The following TMEM72 variants were observed in gnomAD, a reference collection of about 807,000 sequenced individuals.
The protein encoded by TMEM72 is transmembrane protein 72.
Under a neutral mutation model 16.3 loss-of-function variants are expected in TMEM72, and 9 were observed. The observed-to-expected ratio is 0.55, with a 90% CI of 0.33 to 0.96. The LOEUF (loss-of-function observed/expected upper bound fraction) is 0.96. Among genes scored for constraint, TMEM72 ranks in the 40% least tolerant of loss-of-function variants. The pLI is 0.03. For missense variants in TMEM72, 324 were observed against 337.8 expected (o/e 0.96, Z 0.32); for synonymous variants, 160 against 146.5 (o/e 1.09, Z -0.66).
intron 1 of TMEM72, among the ~76,000 whole-genome samples, chr10:44,925,669 C>T: frequency 6.6e-6 from 1 of 152,206 alleles, no homozygotes; most frequent in East Asian, 1.9e-4. Flanking sequence ...AAGACTGAAA[C>T]TCAGGATCTG....
intron 2 of TMEM72, among the ~76,000 whole-genome samples, chr10:44,928,356 A>G (rs1165568912): frequency 6.6e-6 from 1 of 151,680 alleles, no homozygotes; most frequent in Non-Finnish European, 1.5e-5. Context: ...CCATCCAGCT[A>G]CCTATCCATC....
chr10:44,916,006 G>T (rs1393427667), intron 1 of TMEM72, among the ~76,000 whole-genome samples: 1 of 152,146 alleles, frequency 6.6e-6, no homozygotes, highest in East Asian at 1.9e-4. Context: ...TGCCTGAGAC[G>T]CTAGAGTGCT....
intron 2 of TMEM72, among the ~76,000 whole-genome samples, chr10:44,929,157 CCAGA>C (rs61049015): frequency 0.024 from 3,686 of 152,142 alleles, 147 homozygotes; most frequent in African/African-American, 0.084. Context: ...CTTTTTTTCC[CCAGA>C]CAATGTCTTT....
intron 1 of TMEM72, among the ~76,000 whole-genome samples, chr10:44,916,376 T>C (rs1484939572): frequency 2.6e-5 from 4 of 152,200 alleles, no homozygotes; most frequent in African/African-American, 7.2e-5. Flanking sequence ...GCTCCCATGC[T>C]TCCCACACAG....
intron 1 of TMEM72, among the ~76,000 whole-genome samples, chr10:44,921,618 T>C (rs939427583): frequency 1.3e-5 from 2 of 152,200 alleles, no homozygotes; most frequent in African/African-American, 4.8e-5. Context: ...GGTAATGCCC[T>C]GGGGGTATCT....
intron 1 of TMEM72, among the ~76,000 whole-genome samples, chr10:44,917,457 C>T (rs1840029939): frequency 6.6e-6 from 1 of 152,122 alleles, no homozygotes; most frequent in African/African-American, 2.4e-5. Flanking sequence ...TACTGGGAAA[C>T]ATTTCCCATC....
At chr10:44,930,633 A>C (rs1286992853) in intron 2 of TMEM72, among the ~76,000 whole-genome samples, 1 of 152,218 alleles carries the variant, frequency 6.6e-6, no homozygotes, top group African/African-American at 2.4e-5. Flanking sequence ...TTTTAAAACC[A>C]AGGGGTAAGA....
chr10:44,925,407 T>C (rs1055173933), intron 1 of TMEM72, among the ~76,000 whole-genome samples: 5 of 152,236 alleles, frequency 3.3e-5, no homozygotes, highest in Non-Finnish European at 7.4e-5. Context: ...TTGGCCAACA[T>C]GACGTGTCAC....
At chr10:44,924,194 C>A (rs1840147908) in intron 1 of TMEM72, among the ~76,000 whole-genome samples, 1 of 152,240 alleles carries the variant, frequency 6.6e-6, no homozygotes, top group African/African-American at 2.4e-5. Flanking sequence ...CCCGACTGTG[C>A]CCCTGCTTCT....
chr10:44,920,613 A>C (rs1840080728), intron 1 of TMEM72, among the ~76,000 whole-genome samples: 1 of 152,220 alleles, frequency 6.6e-6, no homozygotes, highest in Non-Finnish European at 1.5e-5. Context: ...CCACAAAAAA[A>C]CCCACAAGTG....
chr10:44,915,767 C>T (rs910662209), intron 1 of TMEM72, among the ~76,000 whole-genome samples: 6 of 152,078 alleles, frequency 3.9e-5, no homozygotes, highest in African/African-American at 1.2e-4. Context: ...CTCAAGACAC[C>T]GATATTCATT....
At chr10:44,933,490 C>A in intron 3 of TMEM72, 147 bp from the exon 4 acceptor site, 2 of 1,100,716 alleles carry the variant, frequency 1.8e-6, no homozygotes, top group East Asian at 2.6e-5. Flanking sequence ...TTGTGGAACC[C>A]ACACCAAGGA....
chr10:44,924,358 G>T (rs905453656), intron 1 of TMEM72, among the ~76,000 whole-genome samples: 4 of 152,188 alleles, frequency 2.6e-5, no homozygotes, highest in Non-Finnish European at 5.9e-5. Context: ...GAGCTCCTGG[G>T]TGAGTCCCTC....
chr10:44,927,865 G>C (rs769100791), intron 1 of TMEM72, 56 bp from the exon 2 acceptor site: 59 of 1,549,946 alleles, frequency 3.8e-5, no homozygotes, highest in Non-Finnish European at 5.2e-5. Flanking sequence ...CCTCAACAGG[G>C]CAGTGCTGTG....
intron 2 of TMEM72, among the ~76,000 whole-genome samples, chr10:44,929,663 C>T (rs1162443295): frequency 6.6e-6 from 1 of 152,274 alleles, no homozygotes; most frequent in Non-Finnish European, 1.5e-5. Context: ...CCTTCAAGAG[C>T]TTCCACCACC....
At chr10:44,920,178 A>C (rs1840073847) in intron 1 of TMEM72, 1 of 152,222 alleles carries the variant, frequency 6.6e-6, no homozygotes, top group Non-Finnish European at 1.5e-5. Flanking sequence ...GTGAGTACAA[A>C]ATTCTCATCC....
intron 1 of TMEM72, among the ~76,000 whole-genome samples, chr10:44,914,244 G>T (rs1839981503): frequency 6.6e-6 from 1 of 152,198 alleles, no homozygotes; most frequent in African/African-American, 2.4e-5. Context: ...ACGGATCATT[G>T]CCACCACCAA....
At chr10:44,931,965 G>T (rs1412322016) in intron 2 of TMEM72, 33 bp from the exon 3 acceptor site, 2 of 1,595,724 alleles carry the variant, frequency 1.3e-6, no homozygotes, top group East Asian at 4.5e-5. Flanking sequence ...GAAGACAGAG[G>T]CGCCAGCCTC....
chr10:44,933,457 A>T (rs115946643), intron 3 of TMEM72, among the ~76,000 whole-genome samples, 180 bp from the exon 4 acceptor site: 268 of 152,354 alleles, frequency 1.8e-3, no homozygotes, highest in African/African-American at 6.0e-3. Flanking sequence ...GACCCTCTAG[A>T]GGGACTCAGG....
Sources: allele counts gnomAD v4.1 joint callset (sites outside exome capture counted in the v4.1 genomes callset), GRCh38; gene constraint gnomAD v4.1.1; transcripts MANE v1.5; gene names NCBI Gene and HGNC (gene_info 2026-07-23, HGNC 2026-07-21).